RAD52: variants seen among roughly 807,000 people sequenced by gnomAD.
RAD52 encodes the protein RAD52 DNA repair protein.
RAD52 carries 47 observed loss-of-function variants against 55.5 expected under a neutral mutation model. The observed-to-expected ratio is 0.85, with a 90% confidence interval of 0.67 to 1.08. RAD52 has a LOEUF of 1.08. Ranked by LOEUF, RAD52 falls within the 50% of genes least tolerant of loss-of-function variation. The probability of loss-of-function intolerance (pLI) is 0.00; values close to 1 mark genes in which losing one functional copy is unlikely to be tolerated. For missense variants in RAD52, 468 were observed against 522.8 expected (o/e 0.90, Z 1.02); for synonymous variants, 184 against 198.9 (o/e 0.92, Z 0.63).
At chr12:970,426 G>T (rs1036014152) in intron 1 of RAD52, among the ~76,000 whole-genome samples, 1 of 150,482 alleles carries the variant, frequency 6.6e-6, no homozygotes, top group Non-Finnish European at 1.5e-5. Context: ...GGATATTTAT[G>T]TAGCACAATC....
In RAD52 at chr12:913,403, A is replaced by G; in HGVS notation, c.1245T>C (p.Tyr415=). 1.2e-6 allele frequency: 2 copies of G among 1,607,358 alleles called. No individual in the cohort carries two copies. Among genetic ancestry groups the G allele is most frequent in the Non-Finnish European group, 1.7e-6 (2 of 1,173,954 alleles). ...RKSQDMKKRK[Y]DPS is the part of the protein sequence containing the mutation. Reference sequence around the variant, plus strand: ...GCCTGAGCCTCAGTTAAGATGGATCATATTTCCTTTTCTTCATGTCCTGGC... The same window carrying G: ...GCCTGAGCCTCAGTTAAGATGGATCGTATTTCCTTTTCTTCATGTCCTGGC... Residue 415 remains tyrosine, a synonymous_variant, in exon 12 of 12, where the codon TAT becomes TAC. Transcript: ENST00000358495.
At chr12:938,182 TA>T in intron 1 of RAD52, among the ~76,000 whole-genome samples, 1 of 152,304 alleles carries the variant, frequency 6.6e-6, no homozygotes, top group African/African-American at 2.4e-5. Flanking sequence ...GAATCAAACT[TA>T]ATGTCACCAA....
At chr12:961,309 C>CAAAAAAAAAAAAAAAAAAA (rs60547688) in intron 1 of RAD52, among the ~76,000 whole-genome samples, 486 of 33,810 alleles carry the variant, frequency 0.014, 28 homozygotes, top group African/African-American at 0.026. Context: ...GACTCCATCT[C>CAAAAAAAAAAAAAAAAAAA]AAAAAAAAAA....
Position 928,005 on chromosome 12 carries a change from C to T in RAD52, c.349-742G>A, listed in dbSNP as rs908527247. Among the ~76,000 whole-genome samples, 4 of 152,176 alleles carry T rather than the reference C, an allele frequency of 2.6e-5. 1 individual carries two copies. Among genetic ancestry groups the T allele is most frequent in the Non-Finnish European group, 4.4e-5 (3 of 68,034 alleles). ...GCCTCTCACCAAAAGAGAAGGTGGA[C>T]CTGAGCACATCATTCGCTGATTGAG... On this transcript the variant is annotated intron_variant, in intron 5 of 11. Coordinates refer to ENST00000358495, the MANE Select transcript of RAD52 (RefSeq NM_134424.4).
At chr12:972,426 G>A (rs535405522) in intron 1 of RAD52, among the ~76,000 whole-genome samples, 38 of 152,256 alleles carry the variant, frequency 2.5e-4, no homozygotes, top group Admixed American at 8.5e-4. Flanking sequence ...AAGGAAGTAA[G>A]GAAGCAAGCC....
intron 1 of RAD52, among the ~76,000 whole-genome samples, chr12:934,129 G>C (rs1484685498): frequency 2.7e-5 from 4 of 147,208 alleles, no homozygotes; most frequent in Non-Finnish European, 6.0e-5. Flanking sequence ...CAAAAAAAAA[G>C]GCAGGCACAC....
intron 1 of RAD52, among the ~76,000 whole-genome samples, chr12:943,847 A>G (rs1307268248): frequency 6.6e-6 from 1 of 150,660 alleles, no homozygotes; most frequent in South Asian, 2.1e-4. Context: ...AAACCTTTGC[A>G]CACACTCAGG....
intron 1 of RAD52, among the ~76,000 whole-genome samples, chr12:972,540 G>T (rs1958874601): frequency 6.6e-6 from 1 of 152,024 alleles, no homozygotes; most frequent in South Asian, 2.1e-4. Context: ...GCCGAGGAGG[G>T]CGGATCACGA....
At chr12:918,112 A>G (rs571912980) in intron 7 of RAD52, among the ~76,000 whole-genome samples, 6 of 152,214 alleles carry the variant, frequency 3.9e-5, no homozygotes, top group African/African-American at 1.4e-4. Context: ...TTCTCCCCCA[A>G]TAATTCCCAA....
intron 9 of RAD52, among the ~76,000 whole-genome samples, chr12:914,834 C>G (rs1356163026): frequency 6.7e-6 from 1 of 150,334 alleles, no homozygotes; most frequent in Non-Finnish European, 1.5e-5. Context: ...CGCTTGTTAA[C>G]AGCCATAACC....
At position 916,374 on chromosome 12, in the gene RAD52, C is replaced by G. The variant is rs1956375628; in HGVS notation, c.835G>C (p.Val279Leu). ...CTCTTCTCAGCTGACGGCGTGGAGA[C>G]TCGAACCTGCTGCTTCTCCATCCGC... Reference protein sequence around the residue: ...RERMEKQQVRVSTPSAEKSEA... With the variant: ...RERMEKQQVRLSTPSAEKSEA... Residue 279 changes from valine (V) to leucine (L), a missense_variant, in exon 9 of 12, where the codon GTC becomes CTC. Val to Leu is a conservative substitution (Grantham distance 32). Transcript: ENST00000358495. The G allele has an allele frequency of 6.2e-7, 1 of 1,608,226 alleles. No individual in the cohort carries two copies. Among genetic ancestry groups the G allele is most frequent in the African/African-American group, 1.3e-5 (1 of 75,050 alleles).
rs1280008093 is a variant in RAD52 at position 912,467 on chromosome 12, A to G, written c.*924T>C. 1 of 195,630 alleles carries G rather than the reference A, an allele frequency of 5.1e-6. No individual in the cohort carries two copies. Among genetic ancestry groups the G allele is most frequent in the African/African-American group, 2.3e-5 (1 of 43,158 alleles). 12.1% of individuals were successfully genotyped at this position (195,630 alleles called of 1,614,324 possible). A position where few individuals can be genotyped will look rare whatever the true frequency, so the allele number is the denominator to read the frequency against. Reference sequence around the variant, plus strand: ...CCAAGGTCTCATTATGTGTATACAAATATTCAAAAAATGCAAAACAATTCT... The same window carrying G: ...CCAAGGTCTCATTATGTGTATACAAGTATTCAAAAAATGCAAAACAATTCT... On this transcript the variant is annotated 3_prime_UTR_variant, in exon 12 of 12. Transcript: ENST00000358495.
rs1159550791 is a variant in RAD52 at position 911,843 on chromosome 12, A to C, written c.*1548T>G. On this transcript the variant is annotated 3_prime_UTR_variant, in exon 12 of 12. Transcript: ENST00000358495. ...GAGACCAGCCTGGCCAACATGGAGA[A>C]ACCCCGTCTCCTCTACTAAAAATAC... Among the ~76,000 whole-genome samples the C allele has an allele frequency of 6.6e-6, 1 of 151,610 alleles. No individual in the cohort carries two copies. Among genetic ancestry groups the C allele is most frequent in the Non-Finnish European group, 1.5e-5 (1 of 67,948 alleles).
intron 1 of RAD52, among the ~76,000 whole-genome samples, chr12:955,368 A>G (rs959268239): frequency 6.6e-6 from 1 of 152,174 alleles, no homozygotes; most frequent in African/African-American, 2.4e-5. Flanking sequence ...CTGTGTAAAG[A>G]TATCTGTAGA....
At chr12:948,954 C>A (rs927909267) in intron 1 of RAD52, among the ~76,000 whole-genome samples, 2 of 152,190 alleles carry the variant, frequency 1.3e-5, no homozygotes, top group East Asian at 3.9e-4. Context: ...CCGCATCGGC[C>A]TTCCAAAGTT....
chr12:954,261 A>T (rs148807308), upstream of RAD52, among the ~76,000 whole-genome samples: 508 of 152,200 alleles, frequency 3.3e-3, 5 homozygotes, highest in African/African-American at 0.012. Context: ...TGACTTTGTA[A>T]ATATCTTCTC....
Position 912,885 on chromosome 12 carries a change from T to TA in RAD52, c.*505dup. The TA allele has an allele frequency of 5.0e-6, 1 of 198,430 alleles. No individual in the cohort carries two copies. The highest frequency in any genetic ancestry group is 1.0e-5 in the Non-Finnish European group (1 of 95,948). 12.3% of individuals were successfully genotyped at this position (198,430 alleles called of 1,614,324 possible). A position where few individuals can be genotyped will look rare whatever the true frequency, so the allele number is the denominator to read the frequency against. The stretch of plus-strand genomic sequence containing the variant: ...AAATGAAGATTGTAGCCTGGATTGA[T>TA]ACAAAGTAGTGAAAAGCACTGCTCC... On this transcript the variant is annotated 3_prime_UTR_variant, in exon 12 of 12. Coordinates refer to ENST00000358495, the MANE Select transcript of RAD52 (RefSeq NM_134424.4).
At chr12:982,903 G>A (rs967122177) in intron 1 of RAD52, among the ~76,000 whole-genome samples, 3 of 151,918 alleles carry the variant, frequency 2.0e-5, no homozygotes, top group African/African-American at 4.8e-5. Context: ...AGGCTGGAGT[G>A]CAGTAGCATG....
chr12:954,128 G>C (rs1392987184), upstream of RAD52, among the ~76,000 whole-genome samples: 2 of 151,930 alleles, frequency 1.3e-5, no homozygotes, highest in African/African-American at 4.8e-5. Context: ...TCAGTTTTTG[G>C]TTTTCTGGTT....
Sources: gnomAD v4.1 joint callset for allele counts (sites outside exome capture counted in the v4.1 genomes callset) on GRCh38, gnomAD v4.1.1 for gene constraint, MANE v1.5 for transcripts, NCBI Gene and HGNC (gene_info 2026-07-23, HGNC 2026-07-21) for gene names.